The following CTBP2 variants were observed in gnomAD, a reference collection of about 807,000 sequenced individuals.
CTBP2 encodes C-terminal-binding protein 2.
CTBP2 carries 30 observed loss-of-function variants against 80.3 expected under a neutral mutation model. That is an observed-to-expected ratio of 0.37 (90% CI 0.28 to 0.51). The LOEUF (loss-of-function observed/expected upper bound fraction) is 0.51, where lower values mean the gene tolerates loss of function less well. Among genes scored for constraint, CTBP2 ranks in the 20% least tolerant of loss-of-function variants. The pLI is 0.93. For missense variants in CTBP2, 1,212 were observed against 1,375.3 expected (o/e 0.88, Z 1.88); for synonymous variants, 594 against 587.4 (o/e 1.01, Z -0.16).
At position 125,070,604 on chromosome 10, in the gene CTBP2, C is replaced by T. The variant is rs1222278615; in HGVS notation, c.-101-31449G>A. On this transcript the variant is annotated intron_variant, in intron 2 of 10. Transcript: ENST00000337195. ...ATAATAATGATTACCAATTTTAATA[C>T]GGAAAACTGGGTGTGAGGTATATGA... Among the ~76,000 whole-genome samples, 10 of 150,014 alleles carry T rather than the reference C, an allele frequency of 6.7e-5. No individual in the cohort carries two copies. The South Asian group carries it at 8.4e-4, about 13-fold the overall frequency.
At chr10:125,159,274 G>C (rs528195795) in intron 1 of CTBP2, among the ~76,000 whole-genome samples, 28 of 149,596 alleles carry the variant, frequency 1.9e-4, no homozygotes, top group Middle Eastern at 3.4e-3. Flanking sequence ...TTTTCTTTTT[G>C]ATTCGCCCCA....
At chr10:124,994,033 A>G (rs1487108990) in intron 5 of CTBP2, 48 bp from the exon 8 acceptor site, 12 of 1,610,410 alleles carry the variant, frequency 7.5e-6, no homozygotes, top group Non-Finnish European at 8.5e-6. Context: ...GCATGGTGGA[A>G]GACTCTTGTA....
chr10:125,038,955 G>A, intron 3 of CTBP2, 42 bp downstream of exon 3: 1 of 1,597,054 alleles, frequency 6.3e-7, no homozygotes, highest in Middle Eastern at 1.7e-4. Flanking sequence ...TTTGAGTGAG[G>A]GACTACGTAT....
chr10:125,056,355 G>GTT (rs1564815660), intron 2 of CTBP2, among the ~76,000 whole-genome samples: 5 of 152,200 alleles, frequency 3.3e-5, no homozygotes, highest in Non-Finnish European at 5.9e-5. Flanking sequence ...CAGTGAAGGC[G>GTT]TGCACGCCAT....
chr10:125,026,902 C>T lies in CTBP2; in HGVS notation c.858G>A (p.Lys286=), dbSNP rs1378460801. ...CCAGGAACTCAGGGAGCACGGTCCT[C>T]TTGCCACCAGGACCCTGGAAGGTGG... Residue 286 remains lysine (K), a synonymous_variant, in exon 1 of 9, where the codon AAG becomes AAA. Coordinates refer to ENST00000309035, the MANE Select transcript of CTBP2 (RefSeq NM_022802.3). The T allele has an allele frequency of 6.2e-7, 1 of 1,613,928 alleles. No homozygotes were observed. Among genetic ancestry groups the T allele is most frequent in the Non-Finnish European group, 8.5e-7 (1 of 1,180,046 alleles).
intron 2 of CTBP2, among the ~76,000 whole-genome samples, chr10:125,107,821 G>A (rs573211746): frequency 2.6e-5 from 4 of 152,232 alleles, no homozygotes; most frequent in East Asian, 1.9e-4. Context: ...CATGGCAGCC[G>A]GAAACAGTCC....
At chr10:125,131,286 G>A (rs1438064186) in intron 1 of CTBP2, among the ~76,000 whole-genome samples, 2 of 152,196 alleles carry the variant, frequency 1.3e-5, no homozygotes, top group East Asian at 1.9e-4. Context: ...ACCATGCCAG[G>A]TCATTGCTGC....
intron 3 of CTBP2, among the ~76,000 whole-genome samples, chr10:125,036,688 TGTGTGTGTGTGTG>T (rs1306017308): frequency 2.6e-5 from 3 of 114,338 alleles, no homozygotes; most frequent in African/African-American, 8.5e-5. Flanking sequence ...TGTGTGTGTG[TGTGTGTGTGTGTG>T]TGTGTGTGTG....
chr10:125,012,871 C>T (rs149865830), intron 1 of CTBP2, among the ~76,000 whole-genome samples: 11,336 of 117,890 alleles, frequency 0.096, 557 homozygotes, highest in Admixed American at 0.18. Flanking sequence ...TGAGCCACCG[C>T]GCCCGGCCAA....
intron 1 of CTBP2, among the ~76,000 whole-genome samples, chr10:125,004,340 G>A (rs1384304803): frequency 6.6e-6 from 1 of 152,240 alleles, no homozygotes; most frequent in Non-Finnish European, 1.5e-5. Flanking sequence ...CACCCTGCGG[G>A]GCCCGCCCAG....
Position 125,010,217 on chromosome 10 carries a change from G to GT in CTBP2, c.1679-6726dup, listed in dbSNP as rs1181279751. Among the ~76,000 whole-genome samples the GT allele has an allele frequency of 4.4e-3, 445 of 101,662 alleles. 4 individuals carry two copies. The highest frequency in any genetic ancestry group is 6.4e-3 in the Non-Finnish European group (335 of 52,118). The allele number at this position is 101,662 out of a possible 152,430, so 66.7% of individuals were successfully genotyped here. A position where few individuals can be genotyped will look rare whatever the true frequency, so the allele number is the denominator to read the frequency against. ...TTGCTAAGAGTGGCACTATTTTAAG[G>GT]TTAAAAAAAAAAAAAAAAAAAAAAA... On this transcript the variant is annotated intron_variant, in intron 1 of 8. Transcript: ENST00000309035.
At chr10:125,161,514 C>T (rs1256648348), upstream of CTBP2, among the ~76,000 whole-genome samples, 1 of 151,968 alleles carries the variant, frequency 6.6e-6, no homozygotes, top group Non-Finnish European at 1.5e-5. Context: ...CCTGGTGCCC[C>T]GCACCGGCCG....
At chr10:125,128,768 C>T (rs1855677152) in intron 1 of CTBP2, among the ~76,000 whole-genome samples, 2 of 152,242 alleles carry the variant, frequency 1.3e-5, no homozygotes, top group Admixed American at 1.3e-4. Flanking sequence ...CATACACCTA[C>T]TCCATGACCC....
At chr10:125,002,888 C>A (rs1050012976) in intron 3 of CTBP2, 72 bp downstream of exon 5, 1 of 1,574,428 alleles carries the variant, frequency 6.4e-7, no homozygotes, top group Non-Finnish European at 8.6e-7. Flanking sequence ...CCAGCTGCTT[C>A]TCCAAGCCCA....
rs773980772 is a variant in CTBP2, at chr10:125,026,412, G to A, written c.1348C>T (p.Arg450Cys). 20 of 1,607,342 alleles carry A rather than the reference G, an allele frequency of 1.2e-5. No individual in the cohort carries two copies. The highest frequency in any genetic ancestry group is 2.7e-5 in the African/African-American group (2 of 74,758). The stretch of plus-strand genomic sequence containing the variant: ...TGCAGGGGGTACGTGGGGCTCAGAC[G>A]CGCTGTCAGGGCGCAAGGGGTGGGA... Residue 450 changes from arginine to cysteine, a missense_variant, in exon 1 of 9, where the codon CGT (arginine) becomes TGT (cysteine). By Grantham distance (180) the Arg-to-Cys change is radical. This residue lies in a region of CTBP2 where 848 missense variants were observed against 782.3 expected (regional missense o/e 1.08). Coordinates refer to ENST00000309035, the MANE Select transcript of CTBP2 (RefSeq NM_022802.3).
chr10:125,125,626 C>G (rs1037125757), intron 1 of CTBP2, among the ~76,000 whole-genome samples: 11 of 152,330 alleles, frequency 7.2e-5, no homozygotes, highest in Admixed American at 6.5e-5. Context: ...ATGTCACATA[C>G]TCACTGTCCC....
chr10:125,026,745 C>A lies in CTBP2; in HGVS notation c.1015G>T (p.Ala339Ser). 1.2e-6 allele frequency: 2 copies of A among 1,613,002 alleles called. No individual in the cohort carries two copies. The highest frequency in any genetic ancestry group is 1.7e-6 in the Non-Finnish European group (2 of 1,179,956). The change falls in exon 1 of 9, where the codon GCC becomes TCC. Residue 339 changes from alanine (A) to serine (S), a missense_variant. Transcript: ENST00000309035. ...TTGGCCAGGCGGCTCAGAACACGGGCCTGGCCCAGGTTGGGTGCGACAGAC... is the reference window on the plus strand; with the variant it reads ...TTGGCCAGGCGGCTCAGAACACGGGACTGGCCCAGGTTGGGTGCGACAGAC...
chr10:125,087,954 C>T (rs1340783784), intron 2 of CTBP2, among the ~76,000 whole-genome samples: 1 of 152,202 alleles, frequency 6.6e-6, no homozygotes, highest in Non-Finnish European at 1.5e-5. Context: ...CTTCTCTGGG[C>T]TCAGCAGCCT....
intron 2 of CTBP2, among the ~76,000 whole-genome samples, chr10:125,042,449 A>G (rs746852779): frequency 6.6e-6 from 1 of 152,178 alleles, no homozygotes; most frequent in Admixed American, 6.5e-5. Flanking sequence ...AACACCAAAC[A>G]ATACGGGCAC....
Sources: allele counts gnomAD v4.1 joint callset (sites outside exome capture counted in the v4.1 genomes callset), GRCh38; gene constraint gnomAD v4.1.1; regional missense constraint gnomAD v4.1.1; transcripts MANE v1.5; gene names NCBI Gene and HGNC (gene_info 2026-07-23, HGNC 2026-07-21).